The following SYNE1 variants were observed in gnomAD, a reference collection of about 807,000 sequenced individuals.
The protein encoded by SYNE1 is nesprin-1.
A neutral mutation model predicts 1,111.0 loss-of-function variants in SYNE1; 616 were observed. That is an observed-to-expected ratio of 0.55 (90% CI 0.52 to 0.59). The LOEUF (loss-of-function observed/expected upper bound fraction) is 0.59, where lower values mean the gene tolerates loss of function less well. SYNE1 is among the 20% of genes least tolerant of loss of function. The pLI is 0.00. For synonymous variants in SYNE1, 3,855 were observed against 3,825.8 expected (o/e 1.01, Z -0.28); for missense variants, 10,006 against 10,417.0 (o/e 0.96, Z 1.72).
At chr6:152,212,248 G>A (rs1419924118) in intron 123 of SYNE1, among the ~76,000 whole-genome samples, 3 of 151,974 alleles carry the variant, frequency 2.0e-5, no homozygotes, top group East Asian at 3.8e-4. Context: ...GCCCCAAAAA[G>A]AAAGTCCATC....
intron 3 of SYNE1, among the ~76,000 whole-genome samples, chr6:152,620,526 G>A (rs1274286671): frequency 6.6e-6 from 1 of 152,108 alleles, no homozygotes; most frequent in African/African-American, 2.4e-5. Context: ...CCTCCTCAAT[G>A]CTGTTCCACA....
chr6:152,208,655 G>A lies in SYNE1; in HGVS notation c.22590-449C>T, dbSNP rs138066698. ...TATGTAGAACCTCTGTCTTCAGTTC[G>A]AATCATAAGCCACTTGAATCAAATT... On this transcript the variant is annotated intron_variant, in intron 124 of 145. Coordinates refer to ENST00000367255, the MANE Select transcript of SYNE1 (RefSeq NM_182961.4). 1.6e-4 allele frequency among the ~76,000 whole-genome samples: 24 copies of A among 152,268 alleles called. No individual in the cohort carries two copies. The East Asian group carries it at 4.4e-3, about 28-fold the overall frequency.
intron 127 of SYNE1, among the ~76,000 whole-genome samples, chr6:152,197,089 C>T (rs527362987): frequency 7.9e-5 from 12 of 152,166 alleles, no homozygotes; most frequent in Non-Finnish European, 1.5e-4. Flanking sequence ...TCTCCTTCCT[C>T]GATATGCACA....
intron 20 of SYNE1, 61 bp from the exon 21 acceptor site, chr6:152,461,801 TTC>T (rs1477529910): frequency 1.3e-6 from 2 of 1,551,434 alleles, no homozygotes; most frequent in African/African-American, 2.7e-5. Flanking sequence ...AACTTCCGGA[TTC>T]CACAGAAGGC....
At chr6:152,365,114 G>A in intron 62 of SYNE1, 95 bp from the exon 63 acceptor site, 1 of 1,507,592 alleles carries the variant, frequency 6.6e-7, no homozygotes, top group Non-Finnish European at 9.1e-7. Context: ...AGAATAATAT[G>A]CAATTGTGCC....
At chr6:152,501,354 G>A (rs1481033594) in intron 10 of SYNE1, among the ~76,000 whole-genome samples, 4 of 152,120 alleles carry the variant, frequency 2.6e-5, no homozygotes, top group African/African-American at 9.7e-5. Flanking sequence ...GTGTGAAATA[G>A]GACAAACTTT....
chr6:152,616,370 C>A (rs1249182861), intron 3 of SYNE1, among the ~76,000 whole-genome samples: 1 of 152,002 alleles, frequency 6.6e-6, no homozygotes, highest in African/African-American at 2.4e-5. Context: ...TCCAGGAGTT[C>A]AAGGCCACCC....
In SYNE1 at chr6:152,498,385, A is replaced by T. The variant is rs76551831; in HGVS notation, c.939+357T>A. Among the ~76,000 whole-genome samples, 844 of 152,312 alleles carry T rather than the reference A, an allele frequency of 5.5e-3. 30 individuals are homozygous for T. The East Asian group carries it at 0.11, about 20-fold the overall frequency. On this transcript the variant is annotated intron_variant, in intron 11 of 145. Transcript: ENST00000367255. ...CTCTGCTAACATTTTAAGATACAAA[A>T]CTAAACCTTTATTTTGTTTTTATTT...
rs1443750494 is a variant in SYNE1, at chr6:152,371,840, CAGGACAGGAAAGGAAAGGAAAGGAA to C, written c.9507+1172_9507+1196del. ...AAGGACAGGAAAGGACAGGACAGGA[CAGGACAGGAAAGGAAAGGAAAGGAA>C]AGGAAAGGAAAGGAAAGGAAAGGAA... is the stretch of plus-strand genomic sequence containing the variant. On this transcript the variant is annotated intron_variant, in intron 59 of 145. Coordinates refer to ENST00000367255, the MANE Select transcript of SYNE1 (RefSeq NM_182961.4). Among the ~76,000 whole-genome samples, 162 of 57,000 alleles carry C rather than the reference CAGGACAGGAAAGGAAAGGAAAGGAA, an allele frequency of 2.8e-3. 1 individual carries two copies. The highest frequency in any genetic ancestry group is 9.8e-3 in the Middle Eastern group (1 of 102). 37.4% of individuals were successfully genotyped at this position (57,000 alleles called of 152,430 possible).
intron 3 of SYNE1, among the ~76,000 whole-genome samples, chr6:152,624,882 T>C (rs900738702): frequency 3.3e-5 from 5 of 152,120 alleles, no homozygotes. Flanking sequence ...TAGTCAGCAA[T>C]TATGGGTGTA....
At chr6:152,200,854 T>C (rs1463107682) in intron 127 of SYNE1, among the ~76,000 whole-genome samples, 3 of 152,232 alleles carry the variant, frequency 2.0e-5, no homozygotes, top group Non-Finnish European at 4.4e-5. Flanking sequence ...AAATCTGCCT[T>C]TTTCAAGTTT....
intron 84 of SYNE1, 47 bp downstream of exon 84, chr6:152,321,191 C>T (rs749293770): frequency 3.1e-6 from 5 of 1,606,978 alleles, no homozygotes; most frequent in African/African-American, 1.3e-5. Flanking sequence ...AGAGGACTGA[C>T]CCTATAAACA....
chr6:152,298,892 T>C (rs2095030048), intron 93 of SYNE1, among the ~76,000 whole-genome samples: 1 of 152,216 alleles, frequency 6.6e-6, no homozygotes, highest in African/African-American at 2.4e-5. Flanking sequence ...GCTGTGTGTC[T>C]TAATCTAAGT....
Position 152,417,416 on chromosome 6 carries a change from T to C in SYNE1, c.5422-401A>G, listed in dbSNP as rs181046944. ...GGGAGGCTGAGGCAGGAGAATGGCA[T>C]GAACCCGGGAGGCGGAGCTTGCAGT... is the stretch of plus-strand genomic sequence containing the variant. On this transcript the variant is annotated intron_variant, in intron 40 of 145. Coordinates refer to ENST00000367255, the MANE Select transcript of SYNE1 (RefSeq NM_182961.4). Among the ~76,000 whole-genome samples, 1,216 of 152,224 alleles carry C rather than the reference T, an allele frequency of 8.0e-3. 17 individuals are homozygous for C. The highest frequency in any genetic ancestry group is 0.028 in the African/African-American group (1,157 of 41,526).
intron 86 of SYNE1, 139 bp from the exon 87 acceptor site, chr6:152,317,125 G>A (rs2153894456): frequency 1.0e-6 from 1 of 1,004,792 alleles, no homozygotes; most frequent in South Asian, 1.5e-5. Context: ...GGTATCAAAA[G>A]ATCGTTTCCC....
At chr6:152,335,888 T>C (rs2096376389) in intron 76 of SYNE1, 1 of 152,060 alleles carries the variant, frequency 6.6e-6, no homozygotes, top group Non-Finnish European at 1.5e-5. Context: ...GGTCTCACCA[T>C]GTTGGCCAGC....
At chr6:152,541,567 T>C (rs921381234) in intron 3 of SYNE1, among the ~76,000 whole-genome samples, 1 of 151,538 alleles carries the variant, frequency 6.6e-6, no homozygotes, top group East Asian at 2.0e-4. Flanking sequence ...GCTAACACGG[T>C]GAAACCCTGC....
chr6:152,510,710 A>G (rs950907026), intron 7 of SYNE1, among the ~76,000 whole-genome samples: 40 of 152,152 alleles, frequency 2.6e-4, no homozygotes, highest in African/African-American at 9.4e-4. Flanking sequence ...TTCCAAAGAA[A>G]AAAGAAAATT....
At position 152,344,146 on chromosome 6, in the gene SYNE1, C is replaced by G. The variant is rs776079675; in HGVS notation, c.12160G>C (p.Ala4054Pro). Reference protein sequence around the residue: ...TLQQCQAWLSAVQPDLEPSPQ... With the variant: ...TLQQCQAWLSPVQPDLEPSPQ... The stretch of plus-strand genomic sequence containing the variant: ...CTTGGCTCTAAATCCGGCTGGACTG[C>G]AGAAAGCCAGGCCTGGCACTGCTGC... The change falls in exon 74 of 146, where the codon GCA becomes CCA. Residue 4054 changes from alanine (A) to proline (P), a missense_variant. By Grantham distance (27) the Ala-to-Pro change is conservative. This residue lies in a region of SYNE1 where 4,955 missense variants were observed against 5,017.2 expected (regional missense o/e 0.99). Coordinates refer to ENST00000367255, the MANE Select transcript of SYNE1 (RefSeq NM_182961.4). The G allele has an allele frequency of 6.2e-7, 1 of 1,614,216 alleles. No homozygotes were observed. The highest frequency in any genetic ancestry group is 1.7e-5 in the Admixed American group (1 of 60,034).
Sources: gnomAD v4.1 joint callset for allele counts (sites outside exome capture counted in the v4.1 genomes callset) on GRCh38, gnomAD v4.1.1 for gene constraint, gnomAD v4.1.1 regional missense constraint, MANE v1.5 for transcripts, NCBI Gene and HGNC (gene_info 2026-07-23, HGNC 2026-07-21) for gene names.